The following TGM3 variants were observed in gnomAD, a reference collection of about 807,000 sequenced individuals.
TGM3 encodes protein-glutamine gamma-glutamyltransferase E.
Under a neutral mutation model 73.8 loss-of-function variants are expected in TGM3, and 52 were observed. The observed-to-expected ratio is 0.70, with a 90% CI of 0.56 to 0.89. The LOEUF (loss-of-function observed/expected upper bound fraction) is 0.89. Ranked by LOEUF, TGM3 falls within the 40% of genes least tolerant of loss-of-function variation. The probability of loss-of-function intolerance (pLI) is 0.00; values close to 1 mark genes in which losing one functional copy is unlikely to be tolerated. For synonymous variants in TGM3, 372 were observed against 354.9 expected (o/e 1.05, Z -0.54); for missense variants, 928 against 909.9 (o/e 1.02, Z -0.26).
chr20:2,311,509 A>G (rs1471755773), intron 4 of TGM3, among the ~76,000 whole-genome samples: 1 of 152,104 alleles, frequency 6.6e-6, no homozygotes, highest in East Asian at 1.9e-4. Context: ...ATGCGATGAC[A>G]CTTCCTTAGT....
At chr20:2,310,926 G>A in intron 3 of TGM3, 85 bp from the exon 4 acceptor site, 3 of 1,255,408 alleles carry the variant, frequency 2.4e-6, no homozygotes, top group African/African-American at 1.5e-5. Context: ...CCCCAGGCCG[G>A]TTCAGGAGTG....
At chr20:2,319,426 T>A (rs917888735) in intron 7 of TGM3, among the ~76,000 whole-genome samples, 1 of 152,106 alleles carries the variant, frequency 6.6e-6, no homozygotes, top group Non-Finnish European at 1.5e-5. Context: ...CCCAGGCAAG[T>A]GACTGAGACA....
chr20:2,326,847 TA>T (rs111733490), intron 8 of TGM3, among the ~76,000 whole-genome samples: 19,504 of 145,282 alleles, frequency 0.13, 2,660 homozygotes, highest in African/African-American at 0.35. Flanking sequence ...AGACTCCGTC[TA>T]AAAAAAAAAA....
intron 4 of TGM3, among the ~76,000 whole-genome samples, chr20:2,312,319 C>T (rs1303516370): frequency 1.3e-5 from 2 of 149,374 alleles, no homozygotes; most frequent in Non-Finnish European, 3.0e-5. Context: ...AGAATTACTT[C>T]CCAGGAGGTG....
intron 1 of TGM3, among the ~76,000 whole-genome samples, chr20:2,298,944 G>A (rs748195695): frequency 3.1e-4 from 47 of 152,122 alleles, no homozygotes; most frequent in South Asian, 2.7e-3. Flanking sequence ...CTGGGACAGC[G>A]GCTACTCCCT....
chr20:2,298,418 G>C (rs2084122859), intron 1 of TGM3, among the ~76,000 whole-genome samples: 1 of 152,234 alleles, frequency 6.6e-6, no homozygotes, highest in Non-Finnish European at 1.5e-5. Flanking sequence ...CCCTGGGTTA[G>C]TGGCAGAGTT....
At chr20:2,300,041 G>C (rs1439030619) in intron 1 of TGM3, among the ~76,000 whole-genome samples, 1 of 151,616 alleles carries the variant, frequency 6.6e-6, no homozygotes, top group Admixed American at 6.6e-5. Flanking sequence ...CAGGAGGCAG[G>C]GGTTGCAGTG....
chr20:2,317,165 T>C lies in TGM3; in HGVS notation c.767T>C (p.Ile256Thr). 2 of 1,613,966 alleles carry C rather than the reference T, an allele frequency of 1.2e-6. No individual in the cohort carries two copies. ...AGGAGCTGGAACGGCAGCGTGGAGA[T>C]CCTCAAAAATTGGAAAAAATCTGGC... The part of the protein sequence containing the change: ...DPRSWNGSVE[I>T]LKNWKKSGFS... Residue 256 changes from isoleucine to threonine, a missense_variant, in exon 6 of 13, where the codon ATC (isoleucine) becomes ACC (threonine). Ile to Thr is a moderately conservative substitution (Grantham distance 89). Transcript: ENST00000381458.
chr20:2,319,341 A>G (rs1281148749), intron 7 of TGM3, among the ~76,000 whole-genome samples: 1 of 152,154 alleles, frequency 6.6e-6, no homozygotes, highest in Non-Finnish European at 1.5e-5. Context: ...AAGCATTTTT[A>G]TGGTGCTGTT....
intron 1 of TGM3, among the ~76,000 whole-genome samples, chr20:2,296,905 T>G (rs1185417357): frequency 6.6e-6 from 1 of 152,194 alleles, no homozygotes; most frequent in Non-Finnish European, 1.5e-5. Flanking sequence ...TAAAATATTG[T>G]GAATGGCGAT....
rs570547209 is a variant in TGM3 at position 2,340,748 on chromosome 20, C to G, written c.*167C>G. The G allele has an allele frequency of 2.7e-5, 25 of 910,434 alleles. No homozygotes were observed. The highest frequency in any genetic ancestry group is 3.6e-5 in the Non-Finnish European group (21 of 578,410). 56.4% of individuals were successfully genotyped at this position (910,434 alleles called of 1,614,324 possible). The stretch of plus-strand genomic sequence containing the variant: ...CAGCACATCCCCCTCTCCTCTCCCC[C>G]AGGTTGGGGCTGGGTCCACCCTGTC... On this transcript the variant is annotated 3_prime_UTR_variant, in exon 13 of 13. Coordinates refer to ENST00000381458, the MANE Select transcript of TGM3 (RefSeq NM_003245.4).
chr20:2,340,682 T>C lies in TGM3; in HGVS notation c.*101T>C. The C allele has an allele frequency of 2.0e-6, 3 of 1,485,226 alleles. No homozygotes were observed. The East Asian group carries it at 7.2e-5, about 36-fold the overall frequency. The allele number at this position is 1,485,226 out of a possible 1,614,324, so 92.0% of individuals were successfully genotyped here. On this transcript the variant is annotated 3_prime_UTR_variant, in exon 13 of 13. Coordinates refer to ENST00000381458, the MANE Select transcript of TGM3 (RefSeq NM_003245.4). The stretch of plus-strand genomic sequence containing the variant: ...CCATGCTGTCCGGCCTGGGAAACCC[T>C]CTCCATCTCCCAAGGCTGCCAGACA...
In TGM3 at chr20:2,310,193, A is replaced by T; in HGVS notation, c.197A>T (p.Glu66Val). 6.2e-7 allele frequency: 1 copy of T among 1,614,180 alleles called. No individual in the cohort carries two copies. Among genetic ancestry groups the T allele is most frequent in the East Asian group, 2.2e-5 (1 of 44,888 alleles). Reference protein sequence around the residue: ...FIVSTGPYPSESAMTKAVFPL... With the variant: ...FIVSTGPYPSVSAMTKAVFPL... ...TCTTTGACAGGGCCTTACCCCTCAG[A>T]GTCGGCCATGACGAAGGCTGTGTTT... is the stretch of plus-strand genomic sequence containing the variant. The change falls in exon 3 of 13, where the codon GAG becomes GTG. Residue 66 changes from glutamate (E) to valine (V), a missense_variant. Coordinates refer to ENST00000381458, the MANE Select transcript of TGM3 (RefSeq NM_003245.4).
intron 3 of TGM3, 30 bp from the exon 4 acceptor site, chr20:2,310,981 T>C (rs771642937): frequency 2.5e-6 from 4 of 1,586,844 alleles, no homozygotes; most frequent in Admixed American, 1.7e-5. Context: ...AGGATTCTAG[T>C]CGCTGGTGTC....
intron 5 of TGM3, among the ~76,000 whole-genome samples, chr20:2,314,938 G>A (rs1213543011): frequency 6.6e-6 from 1 of 152,182 alleles, no homozygotes; most frequent in Non-Finnish European, 1.5e-5. Context: ...ATAAATATCC[G>A]GGGTGCATCT....
intron 7 of TGM3, among the ~76,000 whole-genome samples, chr20:2,321,947 AT>A (rs45573639): frequency 0.029 from 4,274 of 147,508 alleles, 80 homozygotes; most frequent in Middle Eastern, 0.12. Context: ...CTACTTATCA[AT>A]TTTTTTTTTT....
At chr20:2,304,939 C>T (rs958829688) in intron 1 of TGM3, among the ~76,000 whole-genome samples, 3 of 152,138 alleles carry the variant, frequency 2.0e-5, no homozygotes, top group African/African-American at 4.8e-5. Context: ...GCTAGAACAG[C>T]TCACAGGACT....
intron 5 of TGM3, among the ~76,000 whole-genome samples, chr20:2,316,303 G>A (rs78667839): frequency 6.6e-6 from 1 of 152,164 alleles, no homozygotes; most frequent in Non-Finnish European, 1.5e-5. Context: ...TTTTTGGCCG[G>A]GTGTGGTGGC....
At position 2,334,501 on chromosome 20, in the gene TGM3, G is replaced by A. The variant is rs2084337525; in HGVS notation, c.1643-615G>A. 6.6e-6 allele frequency among the ~76,000 whole-genome samples: 1 copy of A among 152,214 alleles called. No homozygotes were observed. Among genetic ancestry groups the A allele is most frequent in the Non-Finnish European group, 1.5e-5 (1 of 68,034 alleles). ...GAATGAAGGGGATGCTGTGGCAGTA[G>A]AACCCCAGGCTATTAGATGACGGGG... On this transcript the variant is annotated intron_variant, in intron 10 of 12. Transcript: ENST00000381458. This position sits in a 1 kb window ranked among gnomAD's most constrained non-coding sequence, Gnocchi z 4.0.
Sources: allele counts gnomAD v4.1 joint callset (sites outside exome capture counted in the v4.1 genomes callset), GRCh38; gene constraint gnomAD v4.1.1; non-coding constraint Gnocchi (gnomAD v3.1); transcripts MANE v1.5; gene names NCBI Gene and HGNC (gene_info 2026-07-23, HGNC 2026-07-21).